The following ZFAND3 variants were observed in gnomAD, a reference collection of about 807,000 sequenced individuals.
ZFAND3 encodes the protein zinc finger AN1-type containing 3.
Under a neutral mutation model 29.6 loss-of-function variants are expected in ZFAND3, and 10 were observed. The ratio of observed to expected loss-of-function variants is 0.34; its 90% CI spans 0.21 to 0.57. The LOEUF is 0.57. Ranked by LOEUF, ZFAND3 falls within the 20% of genes least tolerant of loss-of-function variation. The pLI, the probability that ZFAND3 is intolerant of heterozygous loss-of-function variation, is 0.86. For missense variants in ZFAND3, 230 were observed against 304.5 expected (o/e 0.76, Z 1.82); for synonymous variants, 128 against 112.6 (o/e 1.14, Z -0.87).
chr6:37,943,622 C>T (rs1279893514), intron 2 of ZFAND3, among the ~76,000 whole-genome samples: 1 of 152,142 alleles, frequency 6.6e-6, no homozygotes, highest in East Asian at 1.9e-4. Context: ...ATTCATTTCT[C>T]CTATACCTGT....
chr6:38,142,393 A>G lies in ZFAND3; in HGVS notation c.530-9842A>G, dbSNP rs901439876. ...CCTTCAGGGAGGCTAAACAGGCCAC[A>G]GCTCCCTGGTGAGCCATGTGTCAGG... On this transcript the variant is annotated intron_variant, in intron 5 of 5. Coordinates refer to ENST00000287218, the MANE Select transcript of ZFAND3 (RefSeq NM_021943.3). The G allele has an allele frequency of 1.7e-5, 8 of 470,090 alleles. 1 individual carries two copies. In the Admixed American group the frequency reaches 1.9e-4, roughly 11 times the overall value. 29.1% of individuals were successfully genotyped at this position (470,090 alleles called of 1,614,324 possible).
At chr6:37,899,121 G>T (rs573149618) in intron 1 of ZFAND3, among the ~76,000 whole-genome samples, 3 of 152,028 alleles carry the variant, frequency 2.0e-5, no homozygotes, top group South Asian at 2.1e-4. Context: ...GTGTGGTCTC[G>T]ATCTCCTGAC....
chr6:37,837,109 G>A (rs947644607), intron 1 of ZFAND3, among the ~76,000 whole-genome samples: 18 of 152,158 alleles, frequency 1.2e-4, no homozygotes, highest in African/African-American at 3.9e-4. Context: ...TAGAAAGAAG[G>A]CGTTCATGTG....
chr6:38,123,692 C>T (rs1017328178), intron 5 of ZFAND3, among the ~76,000 whole-genome samples: 1 of 152,138 alleles, frequency 6.6e-6, no homozygotes, highest in Admixed American at 6.5e-5. Context: ...GTCTCACTGA[C>T]TTCAAGAATG....
chr6:38,024,022 ACC>A (rs569593073), intron 2 of ZFAND3, among the ~76,000 whole-genome samples: 346 of 152,270 alleles, frequency 2.3e-3, no homozygotes, highest in African/African-American at 8.0e-3. Flanking sequence ...ACAGTGAGAT[ACC>A]GTCTCTTTAA....
intron 2 of ZFAND3, among the ~76,000 whole-genome samples, chr6:37,991,612 C>G (rs1232340926): frequency 6.6e-6 from 1 of 152,156 alleles, no homozygotes; most frequent in East Asian, 1.9e-4. Context: ...CTTGGCCTCC[C>G]AAAGTGCTGG....
intron 1 of ZFAND3, among the ~76,000 whole-genome samples, chr6:37,856,457 T>C (rs1278977071): frequency 6.6e-6 from 1 of 152,208 alleles, no homozygotes; most frequent in East Asian, 1.9e-4. Context: ...ATATATAGCT[T>C]TTCGTGACTG....
intron 5 of ZFAND3, among the ~76,000 whole-genome samples, chr6:38,124,040 A>T (rs1362736161): frequency 6.6e-6 from 1 of 152,022 alleles, no homozygotes; most frequent in African/African-American, 2.4e-5. Flanking sequence ...CATTTTACAG[A>T]GCGCCAGTTG....
chr6:38,048,604 AGAGT>A (rs1242757045), intron 2 of ZFAND3, among the ~76,000 whole-genome samples: 2 of 111,120 alleles, frequency 1.8e-5, no homozygotes, highest in African/African-American at 6.6e-5. Flanking sequence ...CCTGGGTGAC[AGAGT>A]GAGACTCCGT....
At chr6:37,993,988 C>T (rs1762805937) in intron 2 of ZFAND3, among the ~76,000 whole-genome samples, 1 of 152,088 alleles carries the variant, frequency 6.6e-6, no homozygotes, top group African/African-American at 2.4e-5. Flanking sequence ...ATCGAACTAC[C>T]ATTCCAACAG....
At chr6:38,024,592 A>G (rs2645113) in intron 2 of ZFAND3, among the ~76,000 whole-genome samples, 48,597 of 152,198 alleles carry the variant, frequency 0.32, 8,203 homozygotes, top group Non-Finnish European at 0.38. Context: ...AAATGGTGGT[A>G]TATCCATACA....
intron 2 of ZFAND3, among the ~76,000 whole-genome samples, chr6:38,039,445 A>G (rs1024644397): frequency 6.6e-5 from 10 of 152,186 alleles, no homozygotes; most frequent in Non-Finnish European, 8.8e-5. Context: ...TCTGGGTTGT[A>G]AAGGATTTAT....
chr6:37,993,998 G>A (rs1762806057), intron 2 of ZFAND3, among the ~76,000 whole-genome samples: 1 of 152,136 alleles, frequency 6.6e-6, no homozygotes, highest in African/African-American at 2.4e-5. Context: ...CATTCCAACA[G>A]AGTATATCAT....
chr6:38,031,497 A>G (rs1763558148), intron 2 of ZFAND3, among the ~76,000 whole-genome samples: 1 of 152,166 alleles, frequency 6.6e-6, no homozygotes, highest in African/African-American at 2.4e-5. Flanking sequence ...TCAATTCATT[A>G]TATACTTGCA....
At chr6:38,025,896 A>G (rs1181597470) in intron 2 of ZFAND3, among the ~76,000 whole-genome samples, 1 of 152,212 alleles carries the variant, frequency 6.6e-6, no homozygotes, top group Non-Finnish European at 1.5e-5. Context: ...GAAGGGAATG[A>G]GTGGTCCTTG....
rs748258987 is a variant in ZFAND3 at position 38,058,077 on chromosome 6, C to T, written c.113-3516C>T. Among the ~76,000 whole-genome samples the T allele has an allele frequency of 2.0e-5, 3 of 152,274 alleles. No homozygotes were observed. The East Asian group carries it at 5.8e-4, about 29-fold the overall frequency. On this transcript the variant is annotated intron_variant, in intron 2 of 5. Coordinates refer to ENST00000287218, the MANE Select transcript of ZFAND3 (RefSeq NM_021943.3). ...GTTCACAAAAGAGAACTTGAAAGTA[C>T]CTGAGCATCAAAGTAGCATGGCAAG...
intron 2 of ZFAND3, among the ~76,000 whole-genome samples, chr6:37,947,143 C>CA (rs1761917868): frequency 6.6e-6 from 1 of 152,122 alleles, no homozygotes; most frequent in Admixed American, 6.5e-5. Flanking sequence ...TTACACTTGC[C>CA]AAAATCTTTC....
chr6:38,049,280 A>AG (rs1203829569), intron 2 of ZFAND3, among the ~76,000 whole-genome samples: 2 of 152,258 alleles, frequency 1.3e-5, no homozygotes, highest in Admixed American at 1.3e-4. Context: ...AGAAGTCGGA[A>AG]GAGGAATAGC....
intron 1 of ZFAND3, among the ~76,000 whole-genome samples, chr6:37,853,669 A>G (rs1193926176): frequency 6.6e-6 from 1 of 152,200 alleles, no homozygotes; most frequent in Non-Finnish European, 1.5e-5. Context: ...AAAATATAAT[A>G]TGGTTTTAGT....
Sources: gnomAD v4.1 joint callset for allele counts (sites outside exome capture counted in the v4.1 genomes callset) on GRCh38, gnomAD v4.1.1 for gene constraint, MANE v1.5 for transcripts, NCBI Gene and HGNC (gene_info 2026-07-23, HGNC 2026-07-21) for gene names.